DDX19B: variants seen among roughly 807,000 people sequenced by gnomAD.
The protein encoded by DDX19B is ATP-dependent RNA helicase DDX19B.
Under a neutral mutation model 58.1 loss-of-function variants are expected in DDX19B, and 27 were observed. The ratio of observed to expected loss-of-function variants is 0.46; its 90% CI spans 0.34 to 0.64. DDX19B has a LOEUF of 0.64. Among genes scored for constraint, DDX19B ranks in the 30% least tolerant of loss-of-function variants. The pLI, the probability that DDX19B is intolerant of heterozygous loss-of-function variation, is 0.01. For synonymous variants in DDX19B, 187 were observed against 214.4 expected (o/e 0.87, Z 1.12); for missense variants, 399 against 596.5 (o/e 0.67, Z 3.45).
upstream of DDX19B, among the ~76,000 whole-genome samples, chr16:70,291,395 A>G (rs201031887): frequency 2.7e-4 from 41 of 152,354 alleles, no homozygotes; most frequent in East Asian, 7.5e-3. Flanking sequence ...GCCAAAAGGT[A>G]TGTATGAATT....
upstream of DDX19B, among the ~76,000 whole-genome samples, chr16:70,293,254 A>G (rs972451482): frequency 1.3e-5 from 2 of 151,868 alleles, no homozygotes; most frequent in Non-Finnish European, 1.5e-5. Flanking sequence ...CAACCTCTAC[A>G]AAAAAATACA....
upstream of DDX19B, among the ~76,000 whole-genome samples, chr16:70,298,217 C>G (rs1961303237): frequency 6.6e-6 from 1 of 152,096 alleles, no homozygotes; most frequent in African/African-American, 2.4e-5. Context: ...ACCATCCTGG[C>G]CAACATGGTG....
Position 70,333,642 on chromosome 16 carries a change from G to A in DDX19B, c.*60G>A, listed in dbSNP as rs397821730. Reference sequence around the variant, plus strand: ...CTGCCCCTGCACAGGAGACAAGTGCGTTCAGGGCACAGGCCCCGACATCAC... The same window carrying A: ...CTGCCCCTGCACAGGAGACAAGTGCATTCAGGGCACAGGCCCCGACATCAC... On this transcript the variant is annotated 3_prime_UTR_variant, in exon 12 of 12. Transcript: ENST00000288071. The A allele has an allele frequency of 2.1e-4, 338 of 1,612,914 alleles. No homozygotes were observed. The African/African-American group carries it at 2.6e-3, about 12-fold the overall frequency.
At chr16:70,314,455 G>T (rs1001503747) in intron 2 of DDX19B, among the ~76,000 whole-genome samples, 6 of 152,072 alleles carry the variant, frequency 3.9e-5, no homozygotes, top group Non-Finnish European at 7.3e-5. Context: ...GAGGTCAAGA[G>T]ATCAAGACCA....
intron 5 of DDX19B, among the ~76,000 whole-genome samples, chr16:70,319,193 A>G (rs896892399): frequency 1.2e-4 from 18 of 152,146 alleles, no homozygotes; most frequent in African/African-American, 3.9e-4. Context: ...GTTGGTAAAT[A>G]TAAGTTTATA....
intron 1 of DDX19B, among the ~76,000 whole-genome samples, chr16:70,300,696 A>G (rs550415560): frequency 6.6e-6 from 1 of 151,974 alleles, no homozygotes; most frequent in Admixed American, 6.6e-5. Context: ...TATGCAGCTA[A>G]CTTTTTAATT....
chr16:70,293,682 G>A (rs1265571423), upstream of DDX19B, among the ~76,000 whole-genome samples: 1 of 139,226 alleles, frequency 7.2e-6, no homozygotes, highest in Non-Finnish European at 1.5e-5. Flanking sequence ...CGCAATCTCG[G>A]CTCACTGCAA....
At chr16:70,291,979 TA>T (rs961369023), upstream of DDX19B, among the ~76,000 whole-genome samples, 91 of 144,796 alleles carry the variant, frequency 6.3e-4, no homozygotes, top group African/African-American at 9.6e-4. Context: ...GAGACTCTGT[TA>T]AAAAAAAAAA....
Position 70,331,872 on chromosome 16 carries a change from G to T in DDX19B, c.1174G>T (p.Val392Leu), listed in dbSNP as rs1460139242. The T allele has an allele frequency of 6.2e-7, 1 of 1,613,876 alleles. No homozygotes were observed. ...GKEKVLVTTN[V>L]CARGIDVEQV... Reference sequence around the variant, plus strand: ...AGAGAAGGTTTTGGTGACCACCAACGTGTGTGCCCGCGGTGAGCAGAGGAC... The same window carrying T: ...AGAGAAGGTTTTGGTGACCACCAACTTGTGTGCCCGCGGTGAGCAGAGGAC... The change falls in exon 10 of 12, where the codon GTG (valine) becomes TTG (leucine). Residue 392 changes from valine (V) to leucine (L), a missense_variant. Transcript: ENST00000288071.
At chr16:70,317,914 C>A in intron 5 of DDX19B, 1 of 161,296 alleles carries the variant, frequency 6.2e-6, no homozygotes, top group Admixed American at 6.5e-5. Flanking sequence ...CATTGTACTC[C>A]ATTCTGGGCA....
upstream of DDX19B, among the ~76,000 whole-genome samples, chr16:70,291,221 C>A (rs1257253357): frequency 3.3e-5 from 5 of 152,082 alleles, no homozygotes; most frequent in Admixed American, 1.3e-4. Flanking sequence ...CTGCTTTTAA[C>A]AGAGTAAAAT....
At chr16:70,319,576 C>CCTTTTTTTTTTTTTTTTTTTTTTTTTTT (rs1555547570) in intron 5 of DDX19B, 1 of 145,730 alleles carries the variant, frequency 6.9e-6, no homozygotes, top group African/African-American at 2.5e-5. Context: ...TTCTGAATCT[C>CCTTTTTTTTTTTTTTTTTTTTTTTTTTT]TTTTTTTTTT....
chr16:70,332,502 T>C (rs1323082508), intron 10 of DDX19B, among the ~76,000 whole-genome samples: 1 of 152,138 alleles, frequency 6.6e-6, no homozygotes, highest in African/African-American at 2.4e-5. Flanking sequence ...GGTTTTGCAG[T>C]GTTGGCCAGG....
chr16:70,315,057 A>G, intron 3 of DDX19B, 102 bp downstream of exon 3: 1 of 1,260,908 alleles, frequency 7.9e-7, no homozygotes, highest in Non-Finnish European at 1.1e-6. Flanking sequence ...CTTGACTTTA[A>G]TAGGCGATAC....
intron 7 of DDX19B, among the ~76,000 whole-genome samples, chr16:70,328,694 G>T (rs750725104): frequency 2.0e-5 from 3 of 151,610 alleles, no homozygotes; most frequent in African/African-American, 7.3e-5. Flanking sequence ...ACAATATATT[G>T]TTGACTGTAG....
intron 9 of DDX19B, 30 bp from the exon 10 acceptor site, chr16:70,331,692 C>T (rs1385606894): frequency 1.9e-6 from 3 of 1,605,788 alleles, no homozygotes; most frequent in African/African-American, 1.3e-5. Context: ...TAACAGGTCT[C>T]TTCATAAAAA....
chr16:70,296,454 A>G (rs1961226281), upstream of DDX19B, among the ~76,000 whole-genome samples: 1 of 151,766 alleles, frequency 6.6e-6, no homozygotes, highest in African/African-American at 2.4e-5. Flanking sequence ...CATTTTCCAT[A>G]GTGTATAAAA....
At chr16:70,330,611 CAA>C in intron 9 of DDX19B, among the ~76,000 whole-genome samples, 1 of 152,002 alleles carries the variant, frequency 6.6e-6, no homozygotes, top group South Asian at 2.1e-4. Context: ...AACAAACAAA[CAA>C]AAAACCAACA....
Position 70,334,657 on chromosome 16 carries a change from C to CA in DDX19B, c.*1078dup, listed in dbSNP as rs1963636280. On this transcript the variant is annotated 3_prime_UTR_variant, in exon 12 of 12. Coordinates refer to ENST00000288071, the MANE Select transcript of DDX19B (RefSeq NM_007242.7). Reference sequence around the variant, plus strand: ...ATCTGTGTTTACTGCCTTTGGAATACAAACAGGTGCAACTGAGGGACTAGC... The same window carrying CA: ...ATCTGTGTTTACTGCCTTTGGAATACAAAACAGGTGCAACTGAGGGACTAGC... 1 of 152,280 alleles carries CA rather than the reference C, an allele frequency of 6.6e-6. No homozygotes were observed. Among genetic ancestry groups the CA allele is most frequent in the Non-Finnish European group, 1.5e-5 (1 of 68,030 alleles). 9.4% of individuals were successfully genotyped at this position (152,280 alleles called of 1,614,324 possible). A position where few individuals can be genotyped will look rare whatever the true frequency, so the allele number is the denominator to read the frequency against.
Sources: allele counts gnomAD v4.1 joint callset (sites outside exome capture counted in the v4.1 genomes callset), GRCh38; gene constraint gnomAD v4.1.1; transcripts MANE v1.5; gene names NCBI Gene and HGNC (gene_info 2026-07-23, HGNC 2026-07-21).